The following MCU variants were observed in gnomAD, a reference collection of about 807,000 sequenced individuals.
The protein encoded by MCU is mitochondrial calcium uniporter, also known as calcium uniporter protein, mitochondrial.
MCU carries 12 observed loss-of-function variants against 45.2 expected under a neutral mutation model. The observed-to-expected ratio is 0.27, with a 90% CI of 0.17 to 0.43. The LOEUF (loss-of-function observed/expected upper bound fraction) is 0.43, where lower values mean the gene tolerates loss of function less well. Among genes scored for constraint, MCU ranks in the 20% least tolerant of loss-of-function variants. MCU has a pLI of 1.00. For missense variants in MCU, 324 were observed against 436.7 expected, an observed-to-expected ratio of 0.74 and a Z score of 2.30; for synonymous variants, 160 against 165.1, an observed-to-expected ratio of 0.97 and a Z score of 0.24.
chr10:72,815,157 C>T (rs1589476133), intron 1 of MCU, among the ~76,000 whole-genome samples: 1 of 152,326 alleles, frequency 6.6e-6, no homozygotes, highest in East Asian at 1.9e-4. Flanking sequence ...GCTTTGCAGC[C>T]ATATAGTTTC....
At chr10:72,766,493 A>C (rs999639399) in intron 1 of MCU, 4 of 152,192 alleles carry the variant, frequency 2.6e-5, no homozygotes, top group African/African-American at 9.6e-5. Context: ...GAAGTCATGA[A>C]TTAGAAATCT....
At chr10:72,851,966 A>G (rs1238394196) in intron 2 of MCU, among the ~76,000 whole-genome samples, 1 of 152,020 alleles carries the variant, frequency 6.6e-6, no homozygotes, top group Non-Finnish European at 1.5e-5. Flanking sequence ...CACTGTCATA[A>G]TTTTCTCACT....
intron 1 of MCU, among the ~76,000 whole-genome samples, chr10:72,794,057 A>T (rs186581547): frequency 6.6e-6 from 1 of 152,250 alleles, no homozygotes; most frequent in African/African-American, 2.4e-5. Context: ...TAAGTCTAGG[A>T]TCTCATTATC....
intron 6 of MCU, among the ~76,000 whole-genome samples, chr10:72,880,142 T>C (rs1845678333): frequency 6.6e-6 from 1 of 152,244 alleles, no homozygotes; most frequent in African/African-American, 2.4e-5. Context: ...TCCTTCATTG[T>C]CTGGGAATAA....
chr10:72,756,161 G>T (rs1371727771), intron 1 of MCU, among the ~76,000 whole-genome samples: 1 of 151,940 alleles, frequency 6.6e-6, no homozygotes, highest in Admixed American at 6.6e-5. Context: ...AATTTTTTGT[G>T]TTTTTATTAG....
intron 2 of MCU, among the ~76,000 whole-genome samples, chr10:72,847,589 C>T (rs1845142619): frequency 1.3e-5 from 2 of 152,102 alleles, no homozygotes; most frequent in African/African-American, 4.8e-5. Context: ...ACATATCCTC[C>T]ATGTATAGGA....
chr10:72,718,933 A>G (rs891331588), intron 1 of MCU, among the ~76,000 whole-genome samples: 31 of 152,176 alleles, frequency 2.0e-4, no homozygotes, highest in African/African-American at 7.0e-4. Context: ...AAACTAATCA[A>G]TAGTGTCAGA....
Position 72,806,892 on chromosome 10 carries a change from G to A in MCU, c.151-27467G>A, listed in dbSNP as rs76519116. Among the ~76,000 whole-genome samples, 438 of 152,298 alleles carry A rather than the reference G, an allele frequency of 2.9e-3. 6 individuals are homozygous for A. In the East Asian group the frequency reaches 0.046, roughly 16 times the overall value. ...GGCCATGAGGCCAGAAGCAAGCTTG[G>A]CCAGTTCAAGGAACAGTTCAAGAAG... On this transcript the variant is annotated intron_variant, in intron 1 of 7. Coordinates refer to ENST00000373053, the MANE Select transcript of MCU (RefSeq NM_138357.3).
chr10:72,816,055 C>G (rs1459547521), intron 1 of MCU, among the ~76,000 whole-genome samples: 1 of 152,118 alleles, frequency 6.6e-6, no homozygotes, highest in Non-Finnish European at 1.5e-5. Context: ...GCCTGTAATC[C>G]CAGCTACTTA....
chr10:72,881,443 A>C (rs1437414244), intron 6 of MCU, among the ~76,000 whole-genome samples: 1 of 152,128 alleles, frequency 6.6e-6, no homozygotes, highest in Admixed American at 6.5e-5. Context: ...AATCACAGCT[A>C]CTTGGGAGGC....
chr10:72,861,372 A>G (rs573361991), intron 4 of MCU, among the ~76,000 whole-genome samples: 2 of 152,134 alleles, frequency 1.3e-5, no homozygotes, highest in South Asian at 4.2e-4. Flanking sequence ...CTCAGACACA[A>G]ATTGTAAGAG....
chr10:72,817,339 T>A (rs978134093), intron 1 of MCU, among the ~76,000 whole-genome samples: 10 of 152,102 alleles, frequency 6.6e-5, no homozygotes, highest in African/African-American at 2.4e-4. Flanking sequence ...CCTTGCAGAG[T>A]GCCAATTTTA....
intron 1 of MCU, among the ~76,000 whole-genome samples, chr10:72,780,646 G>T (rs546698242): frequency 2.0e-5 from 3 of 151,612 alleles, no homozygotes; most frequent in African/African-American, 4.8e-5. Flanking sequence ...GAACACCAGG[G>T]CTACTTGATT....
chr10:72,830,922 T>C (rs150232191), intron 1 of MCU, among the ~76,000 whole-genome samples: 1 of 152,318 alleles, frequency 6.6e-6, no homozygotes, highest in East Asian at 1.9e-4. Flanking sequence ...ACTGATTCTT[T>C]CCCTTCCAAA....
Position 72,698,106 on chromosome 10 carries a change from A to G in MCU, c.150+5805A>G, listed in dbSNP as rs1589421376. Among the ~76,000 whole-genome samples, 3 of 152,324 alleles carry G rather than the reference A, an allele frequency of 2.0e-5. No homozygotes were observed. In the South Asian group the frequency reaches 6.2e-4, roughly 32 times the overall value. On this transcript the variant is annotated intron_variant, in intron 1 of 7. Coordinates refer to ENST00000373053, the MANE Select transcript of MCU (RefSeq NM_138357.3). ...CAAAATCATGCTTATTTTAAAACTCATAAAATATCTGAATAAATGAACTTG... is the reference window on the plus strand; with the variant it reads ...CAAAATCATGCTTATTTTAAAACTCGTAAAATATCTGAATAAATGAACTTG...
At chr10:72,802,119 G>A (rs1844352400) in intron 1 of MCU, among the ~76,000 whole-genome samples, 1 of 152,140 alleles carries the variant, frequency 6.6e-6, no homozygotes, top group African/African-American at 2.4e-5. Flanking sequence ...CTGTCCTGAA[G>A]GACAACAGGC....
At chr10:72,884,095 G>A (rs1018285753) in intron 6 of MCU, among the ~76,000 whole-genome samples, 171 bp from the exon 7 acceptor site, 1 of 152,094 alleles carries the variant, frequency 6.6e-6, no homozygotes, top group African/African-American at 2.4e-5. Context: ...CATTTTGTGT[G>A]TACTGTTCTG....
At chr10:72,834,710 G>A (rs142373512) in intron 2 of MCU, among the ~76,000 whole-genome samples, 145 of 152,262 alleles carry the variant, frequency 9.5e-4, no homozygotes, top group Middle Eastern at 3.4e-3. Context: ...TCGCCCAGGT[G>A]GAGTGCAGTG....
chr10:72,748,979 T>A (rs1843456002), intron 1 of MCU, among the ~76,000 whole-genome samples: 1 of 152,210 alleles, frequency 6.6e-6, no homozygotes, highest in Non-Finnish European at 1.5e-5. Flanking sequence ...AACTTGAGAA[T>A]GTTGGATTAT....
Sources: gnomAD v4.1 joint callset for allele counts (sites outside exome capture counted in the v4.1 genomes callset) on GRCh38, gnomAD v4.1.1 for gene constraint, MANE v1.5 for transcripts, NCBI Gene and HGNC (gene_info 2026-07-23, HGNC 2026-07-21) for gene names.